CHST11: variants seen among roughly 807,000 people sequenced by gnomAD.
CHST11 encodes the protein C4S-1.
Under a neutral mutation model 30.4 loss-of-function variants are expected in CHST11, and 9 were observed. That is an observed-to-expected ratio of 0.30 (90% CI 0.18 to 0.52). The LOEUF (loss-of-function observed/expected upper bound fraction) is 0.52, where lower values mean the gene tolerates loss of function less well. Ranked by LOEUF, CHST11 falls within the 20% of genes least tolerant of loss-of-function variation. The pLI is 0.97. For synonymous variants in CHST11, 152 were observed against 187.8 expected, an observed-to-expected ratio of 0.81 and a Z score of 1.56; for missense variants, 348 against 460.6, an observed-to-expected ratio of 0.76 and a Z score of 2.24.
chr12:104,680,950 C>G (rs888008878), intron 2 of CHST11, among the ~76,000 whole-genome samples: 1 of 152,228 alleles, frequency 6.6e-6, no homozygotes, highest in Admixed American at 6.5e-5. Context: ...GGACAAGTCT[C>G]TTAAAGTCTC....
At chr12:104,561,345 A>G (rs2038512293) in intron 1 of CHST11, among the ~76,000 whole-genome samples, 2 of 152,160 alleles carry the variant, frequency 1.3e-5, no homozygotes, top group Non-Finnish European at 2.9e-5. Flanking sequence ...GCTCTCCACT[A>G]CATTCTTATC....
chr12:104,724,034 G>A (rs2040198597), intron 2 of CHST11, among the ~76,000 whole-genome samples: 1 of 152,154 alleles, frequency 6.6e-6, no homozygotes, highest in Admixed American at 6.5e-5. Context: ...GAGGTTTATA[G>A]GGAGAGTGTG....
rs972796002 is a variant in CHST11, at chr12:104,606,180, G to C, written c.204+4189G>C. Among the ~76,000 whole-genome samples, 342 of 135,610 alleles carry C rather than the reference G, an allele frequency of 2.5e-3. 3 individuals carry two copies. The highest frequency in any genetic ancestry group is 8.8e-3 in the African/African-American group (332 of 37,736). 89.0% of individuals were successfully genotyped at this position (135,610 alleles called of 152,430 possible). ...GAACTCTCTGGGGCGGGGGGCGGGG[G>C]GGGGAATGGCTCCAGGAAAACTGAG... On this transcript the variant is annotated intron_variant, in intron 2 of 2. Transcript: ENST00000303694.
At chr12:104,498,962 C>T (rs2037826751) in intron 1 of CHST11, among the ~76,000 whole-genome samples, 1 of 150,898 alleles carries the variant, frequency 6.6e-6, no homozygotes, top group Admixed American at 6.6e-5. Context: ...ATCTTCTTAA[C>T]CCGTTTTCAG....
chr12:104,675,347 T>G (rs756216650), intron 2 of CHST11, among the ~76,000 whole-genome samples: 12 of 152,238 alleles, frequency 7.9e-5, no homozygotes, highest in Non-Finnish European at 1.6e-4. Context: ...TCATGTGCCC[T>G]CTCTACAAGT....
At chr12:104,708,840 G>A (rs918587376) in intron 2 of CHST11, among the ~76,000 whole-genome samples, 8 of 152,216 alleles carry the variant, frequency 5.3e-5, no homozygotes, top group Non-Finnish European at 1.0e-4. Flanking sequence ...TATTACCTGC[G>A]ATGCGGCAGG....
intron 1 of CHST11, among the ~76,000 whole-genome samples, chr12:104,472,515 G>A (rs2037520929): frequency 6.6e-6 from 1 of 152,120 alleles, no homozygotes; most frequent in South Asian, 2.1e-4. Flanking sequence ...GACACAGTCT[G>A]CCATGTAGCA....
chr12:104,706,753 G>A (rs2040039431), intron 2 of CHST11, among the ~76,000 whole-genome samples: 1 of 152,080 alleles, frequency 6.6e-6, no homozygotes, highest in Admixed American at 6.6e-5. Flanking sequence ...CAACCAAATT[G>A]CCCTCCACAA....
chr12:104,531,177 G>T (rs1191305478), intron 1 of CHST11, among the ~76,000 whole-genome samples: 1 of 151,992 alleles, frequency 6.6e-6, no homozygotes, highest in East Asian at 1.9e-4. Flanking sequence ...TTCTACCATG[G>T]TATTTGTCTT....
chr12:104,680,441 T>C (rs2039784084), intron 2 of CHST11, among the ~76,000 whole-genome samples: 1 of 152,192 alleles, frequency 6.6e-6, no homozygotes, highest in African/African-American at 2.4e-5. Context: ...GGGACGGACA[T>C]GTGGCCAGGC....
intron 2 of CHST11, among the ~76,000 whole-genome samples, chr12:104,619,525 T>C (rs1444766175): frequency 2.0e-5 from 3 of 152,194 alleles, no homozygotes; most frequent in Admixed American, 2.0e-4. Context: ...CACTGGGTCG[T>C]GTTTCGAGCG....
intron 1 of CHST11, among the ~76,000 whole-genome samples, chr12:104,492,236 A>G (rs1453374493): frequency 2.6e-5 from 4 of 152,148 alleles, no homozygotes; most frequent in African/African-American, 7.2e-5. Context: ...AACTGGGACT[A>G]TGGGCACCCA....
rs1186357992 is a variant in CHST11 at position 104,761,756 on chromosome 12, C to G, written c.*3953C>G. ...CAGAAGGAGCTGCCCATACTACTTT[C>G]TTATGAGCATGCTCAGTATGGCATA... On this transcript the variant is annotated 3_prime_UTR_variant, in exon 3 of 3. Coordinates refer to ENST00000303694, the MANE Select transcript of CHST11 (RefSeq NM_018413.6). 1 of 152,236 alleles carries G rather than the reference C, an allele frequency of 6.6e-6. No individual in the cohort carries two copies. Among genetic ancestry groups the G allele is most frequent in the Non-Finnish European group, 1.5e-5 (1 of 68,046 alleles). The allele number at this position is 152,236 out of a possible 1,614,324, so 9.4% of individuals were successfully genotyped here. A position where few individuals can be genotyped will look rare whatever the true frequency, so the allele number is the denominator to read the frequency against.
chr12:104,638,647 T>G (rs1192932987), intron 2 of CHST11, among the ~76,000 whole-genome samples: 1 of 152,192 alleles, frequency 6.6e-6, no homozygotes, highest in East Asian at 1.9e-4. Flanking sequence ...ATCCCCTTCT[T>G]TAAGCCTGCT....
At chr12:104,521,090 G>C (rs1397792954) in intron 1 of CHST11, among the ~76,000 whole-genome samples, 1 of 152,134 alleles carries the variant, frequency 6.6e-6, no homozygotes, top group African/African-American at 2.4e-5. Context: ...TCAGTATCCT[G>C]TCTCCCAGTG....
chr12:104,709,536 G>C (rs1292968178), intron 2 of CHST11, among the ~76,000 whole-genome samples: 1 of 152,214 alleles, frequency 6.6e-6, no homozygotes, highest in Non-Finnish European at 1.5e-5. Flanking sequence ...TGAAAGAGTT[G>C]ACTGGGAACA....
chr12:104,706,616 G>C (rs1175396589), intron 2 of CHST11, among the ~76,000 whole-genome samples: 2 of 152,130 alleles, frequency 1.3e-5, no homozygotes, highest in East Asian at 3.8e-4. Context: ...GCAGCCCCCA[G>C]CCTTGAATGA....
chr12:104,573,878 A>G (rs1285619993), intron 1 of CHST11, among the ~76,000 whole-genome samples: 1 of 152,244 alleles, frequency 6.6e-6, no homozygotes, highest in African/African-American at 2.4e-5. Context: ...ATGAAACTAA[A>G]GACCTTCTGC....
At chr12:104,712,122 C>G (rs2040093311) in intron 2 of CHST11, among the ~76,000 whole-genome samples, 1 of 152,166 alleles carries the variant, frequency 6.6e-6, no homozygotes, top group Admixed American at 6.5e-5. Flanking sequence ...ATCAAGTGTT[C>G]ACCATGCAGA....
Sources: allele counts gnomAD v4.1 joint callset (sites outside exome capture counted in the v4.1 genomes callset), GRCh38; gene constraint gnomAD v4.1.1; transcripts MANE v1.5; gene names NCBI Gene and HGNC (gene_info 2026-07-23, HGNC 2026-07-21).